Variants in NEGR1 observed in about 807,000 individuals in gnomAD.
NEGR1 encodes the protein neuronal growth regulator 1, also known as IgLON family member 4.
In NEGR1, 10 loss-of-function variants were observed where a neutral mutation model predicts 40.9. That is an observed-to-expected ratio of 0.24 (90% CI 0.15 to 0.42). The LOEUF (loss-of-function observed/expected upper bound fraction) is 0.42. NEGR1 is among the 10% of genes least tolerant of loss of function. The pLI is 1.00. For synonymous variants in NEGR1, 185 were observed against 166.8 expected, an observed-to-expected ratio of 1.11 and a Z score of -0.84; for missense variants, 352 against 438.9, an observed-to-expected ratio of 0.80 and a Z score of 1.77.
intron 3 of NEGR1, among the ~76,000 whole-genome samples, chr1:71,744,284 C>CAT (rs147978120): frequency 0.018 from 2,428 of 137,116 alleles, 39 homozygotes; most frequent in Non-Finnish European, 0.02. Flanking sequence ...TGACAAATAA[C>CAT]ATATATATAT....
intron 1 of NEGR1, among the ~76,000 whole-genome samples, chr1:72,146,122 C>T (rs1545934): frequency 0.24 from 36,806 of 151,962 alleles, 4,777 homozygotes; most frequent in East Asian, 0.34. Context: ...GGCAAAAGCA[C>T]GTTCTTTCAC....
Position 71,398,963 on chromosome 1 carries a change from C to T in NEGR1, c.*8483G>A, listed in dbSNP as rs1470803646. The T allele has an allele frequency of 6.6e-6, 1 of 152,544 alleles. No individual in the cohort carries two copies. The highest frequency in any genetic ancestry group is 1.9e-4 in the East Asian group (1 of 5,204). The allele number at this position is 152,544 out of a possible 1,614,324, so 9.4% of individuals were successfully genotyped here. On this transcript the variant is annotated 3_prime_UTR_variant, in exon 7 of 7. Transcript: ENST00000357731. ...CTGCTGCCATATGAGACGTGCCTTT[C>T]ACCTTCCACTGTGATTGTGAGGCTT...
chr1:71,621,654 A>G (rs1369167928), intron 4 of NEGR1, among the ~76,000 whole-genome samples: 4 of 151,896 alleles, frequency 2.6e-5, no homozygotes, highest in Non-Finnish European at 5.9e-5. Context: ...ATGACTACAT[A>G]TGAATTCTGA....
intron 2 of NEGR1, among the ~76,000 whole-genome samples, chr1:71,898,913 C>CA (rs1223269678): frequency 1.8e-5 from 2 of 109,332 alleles, no homozygotes; most frequent in African/African-American, 7.6e-5. Flanking sequence ...ATATATATTG[C>CA]AAATATATAT....
intron 3 of NEGR1, among the ~76,000 whole-genome samples, chr1:71,701,575 A>G (rs1653693458): frequency 6.6e-6 from 1 of 151,882 alleles, no homozygotes; most frequent in South Asian, 2.1e-4. Context: ...TAATTTCCTC[A>G]TCTCTAGCTC....
chr1:72,013,145 C>A (rs3102917), intron 1 of NEGR1, among the ~76,000 whole-genome samples: 79,080 of 151,500 alleles, frequency 0.52, 21,614 homozygotes, highest in East Asian at 0.67. Context: ...AATAAGGGAG[C>A]ATGAATGGAC....
chr1:71,720,819 T>C (rs1199119429), intron 3 of NEGR1, among the ~76,000 whole-genome samples: 1 of 152,198 alleles, frequency 6.6e-6, no homozygotes, highest in Non-Finnish European at 1.5e-5. Context: ...TGCCTACATG[T>C]GAGCACCTAA....
At chr1:72,273,635 ATACTT>A (rs1255794113) in intron 1 of NEGR1, among the ~76,000 whole-genome samples, 1 of 151,926 alleles carries the variant, frequency 6.6e-6, no homozygotes, top group Admixed American at 6.6e-5. Context: ...TAATCAAAGA[ATACTT>A]TACCTTTATT....
chr1:71,638,791 A>AT (rs1316891818), intron 4 of NEGR1, among the ~76,000 whole-genome samples: 1 of 152,022 alleles, frequency 6.6e-6, no homozygotes, highest in Non-Finnish European at 1.5e-5. Context: ...GGCATCTCCC[A>AT]TAAGGTTACC....
At chr1:71,830,214 AC>A (rs767011557) in intron 2 of NEGR1, among the ~76,000 whole-genome samples, 1 of 151,774 alleles carries the variant, frequency 6.6e-6, no homozygotes, top group East Asian at 1.9e-4. Flanking sequence ...TTTATATCTG[AC>A]TCATTTATTT....
chr1:72,011,058 A>T (rs1228881618), intron 1 of NEGR1, among the ~76,000 whole-genome samples: 1 of 152,192 alleles, frequency 6.6e-6, no homozygotes, highest in Non-Finnish European at 1.5e-5. Context: ...TTTAGTACAT[A>T]TTAAAAACTA....
At chr1:71,630,784 C>A (rs1359289980) in intron 4 of NEGR1, among the ~76,000 whole-genome samples, 1 of 151,788 alleles carries the variant, frequency 6.6e-6, no homozygotes, top group Non-Finnish European at 1.5e-5. Context: ...TGAAATAATG[C>A]AAAGATTCTA....
intron 1 of NEGR1, among the ~76,000 whole-genome samples, chr1:72,258,495 G>T (rs1655350615): frequency 6.6e-6 from 1 of 152,092 alleles, no homozygotes; most frequent in Admixed American, 6.6e-5. Context: ...GAAAAAAGCT[G>T]TAGAAAATAG....
At chr1:71,688,371 T>TATATATAAG (rs1249244210) in intron 4 of NEGR1, among the ~76,000 whole-genome samples, 14 of 95,074 alleles carry the variant, frequency 1.5e-4, no homozygotes, top group Admixed American at 3.9e-4. Context: ...ATATATGAGA[T>TATATATAAG]ATATACATAA....
intron 1 of NEGR1, among the ~76,000 whole-genome samples, chr1:72,266,140 G>C (rs1655630995): frequency 6.6e-6 from 1 of 150,772 alleles, no homozygotes; most frequent in African/African-American, 2.4e-5. Flanking sequence ...TTACAGAAAA[G>C]TGTGCCCTTG....
At chr1:71,900,671 T>C (rs1197548215) in intron 2 of NEGR1, among the ~76,000 whole-genome samples, 1 of 152,238 alleles carries the variant, frequency 6.6e-6, no homozygotes, top group African/African-American at 2.4e-5. Flanking sequence ...TTTTAATAAC[T>C]TTTAAGAGGA....
chr1:71,946,522 A>C (rs532577304), intron 1 of NEGR1, among the ~76,000 whole-genome samples: 3 of 152,206 alleles, frequency 2.0e-5, no homozygotes, highest in Non-Finnish European at 4.4e-5. Flanking sequence ...TGTGATGTTC[A>C]TTAACAGCCA....
rs139666052 is a variant in NEGR1, at chr1:71,907,188, C to T, written c.409+27891G>A. Among the ~76,000 whole-genome samples, 1,129 of 152,146 alleles carry T rather than the reference C, an allele frequency of 7.4e-3. 15 individuals are homozygous for T. Among genetic ancestry groups the T allele is most frequent in the African/African-American group, 0.026 (1,064 of 41,516 alleles). On this transcript the variant is annotated intron_variant, in intron 2 of 6. Coordinates refer to ENST00000357731, the MANE Select transcript of NEGR1 (RefSeq NM_173808.3). ...AAACTCATGCTTCCAAGAGATAACT[C>T]GTTTAAAGACATGAAAGTAATTTCT...
intron 6 of NEGR1, among the ~76,000 whole-genome samples, chr1:71,444,923 A>G (rs2101318808): frequency 6.6e-6 from 1 of 152,342 alleles, no homozygotes; most frequent in South Asian, 2.1e-4. Flanking sequence ...ACTATGTGCC[A>G]AGCACTATTC....
Sources: allele counts gnomAD v4.1 joint callset (sites outside exome capture counted in the v4.1 genomes callset), GRCh38; gene constraint gnomAD v4.1.1; transcripts MANE v1.5; gene names NCBI Gene and HGNC (gene_info 2026-07-23, HGNC 2026-07-21).